The following MYO3B variants were observed in gnomAD, a reference collection of about 807,000 sequenced individuals.
MYO3B encodes myosin IIIB.
Under a neutral mutation model 174.6 loss-of-function variants are expected in MYO3B, and 156 were observed. The ratio of observed to expected loss-of-function variants is 0.89; its 90% confidence interval spans 0.78 to 1.02. The LOEUF (loss-of-function observed/expected upper bound fraction) is 1.02. MYO3B is among the 50% of genes least tolerant of loss of function. The probability of loss-of-function intolerance (pLI) is 0.00; values close to 1 mark genes in which losing one functional copy is unlikely to be tolerated. For synonymous variants in MYO3B, 563 were observed against 569.1 expected, an observed-to-expected ratio of 0.99 and a Z score of 0.15; for missense variants, 1,632 against 1,639.4, an observed-to-expected ratio of 1.00 and a Z score of 0.08.
chr2:170,407,735 G>A lies in MYO3B; in HGVS notation c.2541G>A (p.Gly847=). Residue 847 remains glycine, a synonymous_variant, in exon 22 of 35, where the codon GGG becomes GGA. Transcript: ENST00000408978. The part of the protein sequence containing the change: ...YAGKVLYDAS[G]VLEKNRDTLP... ...TACAGGTATTATATGATGCTTCTGG[G>A]GTTCTTGAGAAAAATAGAGACACTC... 5 of 1,613,986 alleles carry A rather than the reference G, an allele frequency of 3.1e-6. No homozygotes were observed. Among genetic ancestry groups the A allele is most frequent in the Non-Finnish European group, 4.2e-6 (5 of 1,179,936 alleles).
At chr2:170,230,100 A>T (rs1036639256) in intron 6 of MYO3B, among the ~76,000 whole-genome samples, 1 of 151,916 alleles carries the variant, frequency 6.6e-6, no homozygotes, top group South Asian at 2.1e-4. Context: ...AATAACATTT[A>T]TCGATTATAC....
intron 7 of MYO3B, among the ~76,000 whole-genome samples, chr2:170,319,774 C>A (rs1266672680): frequency 2.0e-5 from 3 of 151,990 alleles, no homozygotes; most frequent in African/African-American, 7.3e-5. Context: ...TTGAAATCAG[C>A]AAGGGAAAAA....
intron 22 of MYO3B, among the ~76,000 whole-genome samples, chr2:170,415,626 G>T (rs17607603): frequency 7.2e-4 from 109 of 152,108 alleles, no homozygotes; most frequent in Non-Finnish European, 1.4e-3. Context: ...GCATCCACCC[G>T]CATTGTTCCT....
Position 170,236,482 on chromosome 2 carries a change from T to C in MYO3B, c.749+346T>C, listed in dbSNP as rs528083182. On this transcript the variant is annotated intron_variant, in intron 7 of 34. Coordinates refer to ENST00000408978, the MANE Select transcript of MYO3B (RefSeq NM_138995.5). ...TGCTAGTGTTTTCTTTTTAATTACA[T>C]ACTTTCTCTAGTATTCAGTGAAAAC... Among the ~76,000 whole-genome samples the C allele has an allele frequency of 2.0e-5, 3 of 152,350 alleles. No individual in the cohort carries two copies. The East Asian group carries it at 5.8e-4, about 29-fold the overall frequency.
At chr2:170,604,584 A>C (rs1323256374) in intron 32 of MYO3B, among the ~76,000 whole-genome samples, 1 of 152,216 alleles carries the variant, frequency 6.6e-6, no homozygotes, top group Non-Finnish European at 1.5e-5. Flanking sequence ...ATAGGTCAGC[A>C]CTTCTGAGTT....
intron 3 of MYO3B, among the ~76,000 whole-genome samples, chr2:170,213,186 G>A (rs1447251915): frequency 6.6e-6 from 1 of 152,174 alleles, no homozygotes; most frequent in African/African-American, 2.4e-5. Context: ...AGCAGGACAA[G>A]CCGCAGACAA....
chr2:170,522,572 G>T (rs1159281982), intron 30 of MYO3B, among the ~76,000 whole-genome samples: 1 of 152,102 alleles, frequency 6.6e-6, no homozygotes, highest in African/African-American at 2.4e-5. Context: ...AACTTTAATG[G>T]CTTCCTATTT....
Position 170,483,375 on chromosome 2 carries a change from CTTTTTTT to C in MYO3B, c.3015-15194_3015-15188del, listed in dbSNP as rs61527598. ...AATTAAAACTCCTTGCTTGGGGATTCTTTTTTTTTTTTTTTTTTTTTTTTTTTTTGAG... is the reference window on the plus strand; with the variant it reads ...AATTAAAACTCCTTGCTTGGGGATTCTTTTTTTTTTTTTTTTTTTTTTGAG... On this transcript the variant is annotated intron_variant, in intron 25 of 34. Transcript: ENST00000408978. Among the ~76,000 whole-genome samples, 38 of 62,102 alleles carry C rather than the reference CTTTTTTT, an allele frequency of 6.1e-4. 3 individuals are homozygous for C. The highest frequency in any genetic ancestry group is 2.6e-3 in the African/African-American group (35 of 13,350). 40.7% of individuals were successfully genotyped at this position (62,102 alleles called of 152,430 possible). A position where few individuals can be genotyped will look rare whatever the true frequency, so the allele number is the denominator to read the frequency against.
intron 7 of MYO3B, among the ~76,000 whole-genome samples, chr2:170,289,869 G>A (rs928050047): frequency 9.9e-5 from 15 of 152,030 alleles, no homozygotes; most frequent in Admixed American, 5.2e-4. Flanking sequence ...TGCTGTTACC[G>A]TATCCCATAG....
chr2:170,538,776 A>G lies in MYO3B; in HGVS notation c.3576-4130A>G, dbSNP rs77785508. 9.9e-3 allele frequency among the ~76,000 whole-genome samples: 1,500 copies of G among 152,272 alleles called. 25 individuals are homozygous for G. The highest frequency in any genetic ancestry group is 0.033 in the African/African-American group (1,387 of 41,556). On this transcript the variant is annotated intron_variant, in intron 30 of 34. Transcript: ENST00000408978. ...TCGAGCCCTGGAGGCAATCTGTTTG[A>G]GACTTTAGTTATGCTTCCAAGACGC... is the stretch of plus-strand genomic sequence containing the variant.
At chr2:170,541,390 GGAA>G (rs1366172990) in intron 30 of MYO3B, among the ~76,000 whole-genome samples, 2 of 152,152 alleles carry the variant, frequency 1.3e-5, no homozygotes, top group African/African-American at 2.4e-5. Context: ...ATGGTTCAGA[GGAA>G]GAGCAGAGGA....
intron 32 of MYO3B, among the ~76,000 whole-genome samples, chr2:170,564,691 T>G (rs1691953131): frequency 6.6e-6 from 1 of 152,170 alleles, no homozygotes; most frequent in Non-Finnish European, 1.5e-5. Flanking sequence ...TTTGGATGCT[T>G]TATTCCAACA....
At chr2:170,620,193 CA>C (rs143691483) in intron 32 of MYO3B, among the ~76,000 whole-genome samples, 57 of 141,684 alleles carry the variant, frequency 4.0e-4, no homozygotes, top group African/African-American at 1.4e-3. Context: ...TTTTCCAAAC[CA>C]AAAAAAAAAC....
intron 32 of MYO3B, among the ~76,000 whole-genome samples, chr2:170,620,455 A>T (rs1487489791): frequency 3.3e-5 from 5 of 152,222 alleles, no homozygotes; most frequent in Non-Finnish European, 7.3e-5. Flanking sequence ...AGATAGTGAC[A>T]ATAATTGTAC....
intron 1 of MYO3B, among the ~76,000 whole-genome samples, chr2:170,197,745 T>C (rs1363711692): frequency 3.3e-5 from 5 of 152,148 alleles, no homozygotes; most frequent in Non-Finnish European, 7.4e-5. Flanking sequence ...TCTTGTAGAA[T>C]CTAGTGTAGC....
In MYO3B at chr2:170,543,879, G is replaced by A. The variant is rs1181302730; in HGVS notation, c.3637-13G>A. The A allele has an allele frequency of 1.2e-6, 2 of 1,606,536 alleles. No individual in the cohort carries two copies. Among genetic ancestry groups the A allele is most frequent in the Non-Finnish European group, 8.5e-7 (1 of 1,173,932 alleles). On this transcript the variant is annotated splice_polypyrimidine_tract_variant and intron_variant, in intron 31 of 34. Transcript: ENST00000408978. ...GATAAGAATAATATTTCTCTTACTG[G>A]GTTTTTCTGAAGCACTCGGTTTCTG... is the stretch of plus-strand genomic sequence containing the variant.
At chr2:170,327,275 C>G (rs991759456) in intron 7 of MYO3B, among the ~76,000 whole-genome samples, 1 of 152,168 alleles carries the variant, frequency 6.6e-6, no homozygotes, top group African/African-American at 2.4e-5. Context: ...TTCCCAACTA[C>G]TCGGGAGGCT....
At chr2:170,450,808 A>AT (rs1177564939) in intron 23 of MYO3B, among the ~76,000 whole-genome samples, 6 of 152,140 alleles carry the variant, frequency 3.9e-5, no homozygotes, top group Admixed American at 6.5e-5. Flanking sequence ...AAACAGATCA[A>AT]TTTTTTTAAA....
intron 32 of MYO3B, among the ~76,000 whole-genome samples, chr2:170,556,935 T>G (rs1174931319): frequency 6.6e-6 from 1 of 152,268 alleles, no homozygotes; most frequent in Non-Finnish European, 1.5e-5. Context: ...CATGCTTATT[T>G]GACATCTGTG....
Sources: gnomAD v4.1 joint callset for allele counts (sites outside exome capture counted in the v4.1 genomes callset) on GRCh38, gnomAD v4.1.1 for gene constraint, MANE v1.5 for transcripts, NCBI Gene and HGNC (gene_info 2026-07-23, HGNC 2026-07-21) for gene names.